The following CLMN variants were observed in gnomAD, a reference collection of about 807,000 sequenced individuals.
CLMN encodes calmin.
Under a neutral mutation model 92.7 loss-of-function variants are expected in CLMN, and 57 were observed. That is an observed-to-expected ratio of 0.61 (90% CI 0.50 to 0.77). The LOEUF (loss-of-function observed/expected upper bound fraction) is 0.77, where lower values mean the gene tolerates loss of function less well. Ranked by LOEUF, CLMN falls within the 30% of genes least tolerant of loss-of-function variation. CLMN has a pLI of 0.00. For synonymous variants in CLMN, 466 were observed against 470.6 expected, an observed-to-expected ratio of 0.99 and a Z score of 0.13; for missense variants, 1,158 against 1,237.5, an observed-to-expected ratio of 0.94 and a Z score of 0.96.
In CLMN at chr14:95,213,998, T is replaced by C. The variant is rs150499201; in HGVS notation, c.418-589A>G. ...GGTCTAGCGCACTCCTACTCATCCTTCAAAACCCAGCTCTGGTGTCACTTC... is the reference window on the plus strand; with the variant it reads ...GGTCTAGCGCACTCCTACTCATCCTCCAAAACCCAGCTCTGGTGTCACTTC... On this transcript the variant is annotated intron_variant, in intron 5 of 12. Transcript: ENST00000298912. Among the ~76,000 whole-genome samples, 34 of 152,156 alleles carry C rather than the reference T, an allele frequency of 2.2e-4. 1 individual carries two copies. In the East Asian group the frequency reaches 6.6e-3, roughly 30 times the overall value.
rs117520244 is a variant in CLMN, at chr14:95,312,290, T to A, written c.82+7421A>T. 2.3e-3 allele frequency among the ~76,000 whole-genome samples: 349 copies of A among 152,258 alleles called. 1 individual carries two copies. Among genetic ancestry groups the A allele is most frequent in the Non-Finnish European group, 4.1e-3 (282 of 68,012 alleles). ...CCCTCCATCCCGAGCTCCCAGAATT[T>A]CAGGGGGACTGGACAACTGTTATTT... On this transcript the variant is annotated intron_variant, in intron 1 of 12. Coordinates refer to ENST00000298912, the MANE Select transcript of CLMN (RefSeq NM_024734.4).
chr14:95,271,584 G>A (rs1378448621), intron 1 of CLMN, among the ~76,000 whole-genome samples: 1 of 152,194 alleles, frequency 6.6e-6, no homozygotes, highest in Admixed American at 6.5e-5. Context: ...ACTGGCAGCA[G>A]GTTTAAATAA....
chr14:95,212,409 G>A (rs1002398691), intron 6 of CLMN, among the ~76,000 whole-genome samples: 1 of 152,200 alleles, frequency 6.6e-6, no homozygotes, highest in African/African-American at 2.4e-5. Flanking sequence ...TCCAGGGGCT[G>A]TGGGCCTGCT....
In CLMN at chr14:95,204,154, T is replaced by G. The variant is rs2140577225; in HGVS notation, c.1195A>C (p.Ser399Arg). 5 of 1,614,176 alleles carry G rather than the reference T, an allele frequency of 3.1e-6. No individual in the cohort carries two copies. Among genetic ancestry groups the G allele is most frequent in the Non-Finnish European group, 3.4e-6 (4 of 1,180,042 alleles). The change falls in exon 9 of 13, where the codon AGT (serine) becomes CGT (arginine). Residue 399 changes from serine (S) to arginine (R), a missense_variant. Coordinates refer to ENST00000298912, the MANE Select transcript of CLMN (RefSeq NM_024734.4). Reference sequence around the variant, plus strand: ...ATGGAGGATTCTGGAGATGGCTCACTGATGTCGCTGGTCTTACCTGGGCCC... The same window carrying G: ...ATGGAGGATTCTGGAGATGGCTCACGGATGTCGCTGGTCTTACCTGGGCCC... ...QGGPGKTSDI[S>R]EPSPESSILS... is the part of the protein sequence containing the mutation.
intron 1 of CLMN, among the ~76,000 whole-genome samples, chr14:95,279,573 G>C (rs543788862): frequency 6.6e-6 from 1 of 152,252 alleles, no homozygotes; most frequent in Non-Finnish European, 1.5e-5. Context: ...CATGAGGTCA[G>C]GAGATCGAGA....
At position 95,205,852 on chromosome 14, in the gene CLMN, C is replaced by T. The variant is rs372577090; in HGVS notation, c.886-1389G>A. On this transcript the variant is annotated intron_variant, in intron 8 of 12. Transcript: ENST00000298912. ...AAAAAACCAATAAAGGGGATAAATGCACACAAAAGAAATCCTTGAATAATC... is the reference window on the plus strand; with the variant it reads ...AAAAAACCAATAAAGGGGATAAATGTACACAAAAGAAATCCTTGAATAATC... Among the ~76,000 whole-genome samples the T allele has an allele frequency of 1.6e-4, 24 of 152,110 alleles. 1 individual carries two copies. The highest frequency in any genetic ancestry group is 1.5e-3 in the South Asian group (7 of 4,818).
At chr14:95,285,455 A>G (rs1407199328) in intron 1 of CLMN, among the ~76,000 whole-genome samples, 13 of 152,148 alleles carry the variant, frequency 8.5e-5, no homozygotes, top group Non-Finnish European at 1.2e-4. Context: ...TGGGAGAGAG[A>G]ATCTGGGCCC....
intron 5 of CLMN, among the ~76,000 whole-genome samples, chr14:95,214,859 G>A (rs1291381063): frequency 2.6e-5 from 4 of 152,046 alleles, no homozygotes; most frequent in South Asian, 2.1e-4. Flanking sequence ...AATCATGCCC[G>A]TGTGGATCAC....
At chr14:95,248,225 A>T (rs977158161) in intron 1 of CLMN, among the ~76,000 whole-genome samples, 11 of 152,286 alleles carry the variant, frequency 7.2e-5, no homozygotes, top group East Asian at 1.9e-4. Context: ...AAAATATTTT[A>T]AAAAATCATT....
rs1447079827 is a variant in CLMN, at chr14:95,194,136, C to T, written c.2770-217G>A. 2 of 1,415,116 alleles carry T rather than the reference C, an allele frequency of 1.4e-6. No individual in the cohort carries two copies. Among genetic ancestry groups the T allele is most frequent in the African/African-American group, 1.4e-5 (1 of 69,268 alleles). The allele number at this position is 1,415,116 out of a possible 1,614,324, so 87.7% of individuals were successfully genotyped here. On this transcript the variant is annotated intron_variant, in intron 11 of 12. Transcript: ENST00000298912. The surrounding 1 kb of genome is among the most constrained non-coding windows in gnomAD (Gnocchi z 4.0). The stretch of plus-strand genomic sequence containing the variant: ...CCCTTGTGAGTGCGAGAGACCCCAC[C>T]ACCCGGAACCCGGATTGGGGTGTGC...
chr14:95,264,765 GATTAACATCTAA>G (rs1288365249), intron 1 of CLMN, among the ~76,000 whole-genome samples: 1 of 152,012 alleles, frequency 6.6e-6, no homozygotes, highest in Non-Finnish European at 1.5e-5. Context: ...TTTTAGGTAA[GATTAACATCTAA>G]ATCACACTTT....
intron 9 of CLMN, among the ~76,000 whole-genome samples, chr14:95,198,880 A>G (rs1211448): frequency 0.16 from 24,043 of 152,144 alleles, 2,887 homozygotes; most frequent in East Asian, 0.43. Flanking sequence ...GATGCAAACC[A>G]CTAATTCATC....
intron 1 of CLMN, among the ~76,000 whole-genome samples, chr14:95,312,816 G>A (rs888023376): frequency 2.6e-5 from 4 of 152,148 alleles, no homozygotes; most frequent in African/African-American, 9.7e-5. Flanking sequence ...GCATCTTGAC[G>A]GCTTTCATCC....
intron 1 of CLMN, among the ~76,000 whole-genome samples, chr14:95,316,468 G>A (rs535547624): frequency 6.6e-6 from 1 of 152,364 alleles, no homozygotes; most frequent in Admixed American, 6.5e-5. Context: ...ACAGGAAGGT[G>A]AGTGGCAGGC....
chr14:95,312,184 A>C (rs1346279335), intron 1 of CLMN, among the ~76,000 whole-genome samples: 1 of 152,060 alleles, frequency 6.6e-6, no homozygotes, highest in Non-Finnish European at 1.5e-5. Context: ...GAGCACCCAC[A>C]GTTCCTACAC....
intron 4 of CLMN, among the ~76,000 whole-genome samples, chr14:95,218,985 T>C (rs1897441004): frequency 6.6e-6 from 1 of 152,238 alleles, no homozygotes; most frequent in African/African-American, 2.4e-5. Context: ...TGTTTGTTTT[T>C]GCCTCTGCAG....
intron 1 of CLMN, among the ~76,000 whole-genome samples, chr14:95,308,831 C>T (rs150163513): frequency 6.6e-6 from 1 of 152,226 alleles, no homozygotes; most frequent in Non-Finnish European, 1.5e-5. Context: ...AGGAAGAAGC[C>T]GTGCGCACGC....
At chr14:95,210,272 G>C (rs190137497) in intron 7 of CLMN, among the ~76,000 whole-genome samples, 9 of 151,696 alleles carry the variant, frequency 5.9e-5, no homozygotes, top group Admixed American at 4.6e-4. Flanking sequence ...GGCTGGTCTC[G>C]AACTCCTGAC....
chr14:95,295,718 TA>T (rs35681336), intron 1 of CLMN, among the ~76,000 whole-genome samples: 1 of 152,196 alleles, frequency 6.6e-6, no homozygotes, highest in East Asian at 1.9e-4. Flanking sequence ...CCAGGCCACT[TA>T]AAGTGACAGG....
Sources: allele counts gnomAD v4.1 joint callset (sites outside exome capture counted in the v4.1 genomes callset), GRCh38; gene constraint gnomAD v4.1.1; non-coding constraint Gnocchi (gnomAD v3.1); transcripts MANE v1.5; gene names NCBI Gene and HGNC (gene_info 2026-07-23, HGNC 2026-07-21).